ACER2: variants seen among roughly 807,000 people sequenced by gnomAD.
The protein encoded by ACER2 is alkCDase 2.
ACER2 carries 26 observed loss-of-function variants against 34.7 expected under a neutral mutation model. That is an observed-to-expected ratio of 0.75 (90% CI 0.55 to 1.04). The LOEUF is 1.04. ACER2 is among the 50% of genes least tolerant of loss of function. ACER2 has a pLI of 0.00. For missense variants in ACER2, 352 were observed against 340.8 expected (o/e 1.03, Z -0.26); for synonymous variants, 138 against 132.1 (o/e 1.04, Z -0.31).
chr9:19,439,692 G>C (rs367758351), intron 4 of ACER2, among the ~76,000 whole-genome samples: 107 of 152,318 alleles, frequency 7.0e-4, no homozygotes, highest in African/African-American at 2.5e-3. Context: ...CATCGGCTGG[G>C]CTTGGTGGCT....
intron 3 of ACER2, among the ~76,000 whole-genome samples, chr9:19,433,495 C>G (rs1171080224): frequency 1.3e-5 from 2 of 151,906 alleles, no homozygotes; most frequent in East Asian, 3.8e-4. Context: ...CAACAGGATC[C>G]CAAGGCAGAA....
rs544055002 is a variant in ACER2 at position 19,446,597 on chromosome 9, T to A, written c.641+179T>A. ...AAAGCACACTTTGTAAAAAGCTGAATTGACTCCAGGGAGCAGGCTTAGCCG... is the reference window on the plus strand; with the variant it reads ...AAAGCACACTTTGTAAAAAGCTGAAATGACTCCAGGGAGCAGGCTTAGCCG... On this transcript the variant is annotated intron_variant, in intron 5 of 5. Transcript: ENST00000340967. 14 of 985,312 alleles carry A rather than the reference T, an allele frequency of 1.4e-5. No homozygotes were observed. In the South Asian group the frequency reaches 5.6e-4, roughly 40 times the overall value. The allele number at this position is 985,312 out of a possible 1,614,324, so 61.0% of individuals were successfully genotyped here. A position where few individuals can be genotyped will look rare whatever the true frequency, so the allele number is the denominator to read the frequency against.
At chr9:19,449,610 G>A (rs1831490101) in intron 5 of ACER2, among the ~76,000 whole-genome samples, 4 of 152,074 alleles carry the variant, frequency 2.6e-5, no homozygotes, top group Admixed American at 6.5e-5. Context: ...TGGGCTGGGC[G>A]CAGTGGCTTA....
chr9:19,430,054 G>A (rs2132492280), intron 3 of ACER2, among the ~76,000 whole-genome samples: 1 of 152,008 alleles, frequency 6.6e-6, no homozygotes, highest in East Asian at 1.9e-4. Flanking sequence ...TTTCATTTCA[G>A]AAATGAAATG....
At chr9:19,439,222 A>T (rs906034977) in intron 4 of ACER2, among the ~76,000 whole-genome samples, 1 of 152,236 alleles carries the variant, frequency 6.6e-6, no homozygotes, top group Non-Finnish European at 1.5e-5. Context: ...GTTTCATGGC[A>T]GGTAAACTTT....
intron 3 of ACER2, among the ~76,000 whole-genome samples, chr9:19,428,935 A>G (rs1203497698): frequency 6.6e-6 from 1 of 151,624 alleles, no homozygotes; most frequent in Non-Finnish European, 1.5e-5. Context: ...AATTACAGGC[A>G]CTTGCCACCA....
Position 19,409,189 on chromosome 9 carries a change from C to T in ACER2, c.105C>T (p.Asn35=). ...TIVPAIAEFY[N]TISNVLFFIL... ...TGCCTGCTATCGCCGAGTTCTACAA[C>T]ACGGTGCGGGGCGCGGGAGCGGGGA... The change falls in exon 1 of 6, where the codon AAC becomes AAT. Residue 35 remains asparagine, a synonymous_variant. Transcript: ENST00000340967. 6.3e-7 allele frequency: 1 copy of T among 1,587,178 alleles called. No homozygotes were observed.
chr9:19,433,179 T>C (rs1170750308), intron 3 of ACER2, among the ~76,000 whole-genome samples: 1 of 119,912 alleles, frequency 8.3e-6, no homozygotes, highest in African/African-American at 3.2e-5. Flanking sequence ...TTTTTATTGA[T>C]CATTCTTGGG....
Position 19,409,069 on chromosome 9 carries a change from A to T in ACER2, c.-16A>T. 6.4e-7 allele frequency: 1 copy of T among 1,563,202 alleles called. No homozygotes were observed. Among genetic ancestry groups the T allele is most frequent in the Non-Finnish European group, 8.7e-7 (1 of 1,154,542 alleles). On this transcript the variant is annotated 5_prime_UTR_variant, in exon 1 of 6. The change abolishes an upstream ATG in the 5' untranslated region. Transcript: ENST00000340967. ...CTCAGCTGCGCGAGCAGCTGCTCCA[A>T]TGCCCCGGAGTGGCCATGGGCGCCC...
chr9:19,432,115 C>G (rs903696994), intron 3 of ACER2, among the ~76,000 whole-genome samples: 37 of 152,218 alleles, frequency 2.4e-4, no homozygotes, highest in Admixed American at 1.9e-3. Flanking sequence ...CCGGCTCTTT[C>G]TACTGAAATG....
At chr9:19,442,440 G>C (rs929779039) in intron 4 of ACER2, among the ~76,000 whole-genome samples, 2 of 152,346 alleles carry the variant, frequency 1.3e-5, no homozygotes, top group South Asian at 4.1e-4. Flanking sequence ...CTGGTCAGCA[G>C]CTTCTAGCAG....
chr9:19,433,612 C>G (rs1830834214), intron 3 of ACER2, among the ~76,000 whole-genome samples: 1 of 152,280 alleles, frequency 6.6e-6, no homozygotes, highest in Non-Finnish European at 1.5e-5. Context: ...CCTTTCCTCC[C>G]TTTCTATTCC....
At chr9:19,411,967 A>T (rs749204521) in intron 1 of ACER2, among the ~76,000 whole-genome samples, 1 of 152,234 alleles carries the variant, frequency 6.6e-6, no homozygotes, top group African/African-American at 2.4e-5. Context: ...TAGAGAGTTT[A>T]TGTAACTTGC....
chr9:19,426,296 GTCTT>G (rs773242976), intron 3 of ACER2, among the ~76,000 whole-genome samples: 15 of 135,374 alleles, frequency 1.1e-4, no homozygotes, highest in Admixed American at 4.4e-4. Flanking sequence ...TTCTTTTTCT[GTCTT>G]TCTTTCTCTT....
chr9:19,409,327 AC>A (rs566355155), intron 1 of ACER2, 135 bp downstream of exon 1: 2 of 769,674 alleles, frequency 2.6e-6, no homozygotes, highest in Non-Finnish European at 4.1e-6. Context: ...GTCAGTCCAC[AC>A]CCCCTCCTCG....
chr9:19,420,086 C>T (rs1830357212), intron 1 of ACER2, among the ~76,000 whole-genome samples: 1 of 152,180 alleles, frequency 6.6e-6, no homozygotes, highest in African/African-American at 2.4e-5. Flanking sequence ...CTGAAGCATT[C>T]TATTTAGTTG....
intron 1 of ACER2, 51 bp downstream of exon 1, chr9:19,409,243 T>C (rs894471694): frequency 2.0e-6 from 3 of 1,514,572 alleles, no homozygotes; most frequent in Non-Finnish European, 2.7e-6. Context: ...GAGGGGGCTG[T>C]TCCCGCGCCG....
intron 1 of ACER2, among the ~76,000 whole-genome samples, chr9:19,421,347 T>C (rs749249353): frequency 6.6e-6 from 1 of 152,214 alleles, no homozygotes; most frequent in Non-Finnish European, 1.5e-5. Context: ...CAGCAACAAT[T>C]AATGTATGAA....
At chr9:19,445,208 G>A (rs16937528) in intron 4 of ACER2, among the ~76,000 whole-genome samples, 3,951 of 152,268 alleles carry the variant, frequency 0.026, 166 homozygotes, top group African/African-American at 0.09. Context: ...GCAAGTCTTT[G>A]TCAAGGAAAG....
Sources: allele counts gnomAD v4.1 joint callset (sites outside exome capture counted in the v4.1 genomes callset), GRCh38; gene constraint gnomAD v4.1.1; transcripts MANE v1.5; gene names NCBI Gene and HGNC (gene_info 2026-07-23, HGNC 2026-07-21).